KIF20B: variants seen among roughly 807,000 people sequenced by gnomAD.
The protein encoded by KIF20B is kinesin family member 20B.
A neutral mutation model predicts 232.5 loss-of-function variants in KIF20B; 188 were observed. The observed-to-expected ratio is 0.81, with a 90% CI of 0.72 to 0.91. The LOEUF (loss-of-function observed/expected upper bound fraction) is 0.91. Ranked by LOEUF, KIF20B falls within the 40% of genes least tolerant of loss-of-function variation. The pLI is 0.00. For synonymous variants in KIF20B, 712 were observed against 683.0 expected, an observed-to-expected ratio of 1.04 and a Z score of -0.66; for missense variants, 2,154 against 2,055.9, an observed-to-expected ratio of 1.05 and a Z score of -0.92.
At chr10:89,744,122 C>T (rs1841862440) in intron 22 of KIF20B, among the ~76,000 whole-genome samples, 195 bp downstream of exon 22, 1 of 151,680 alleles carries the variant, frequency 6.6e-6, no homozygotes, top group Non-Finnish European at 1.5e-5. Flanking sequence ...TGACTCTCTT[C>T]TAATGAATAG....
chr10:89,717,555 A>C (rs891683724), intron 10 of KIF20B, 21 bp from the exon 11 acceptor site: 2 of 1,591,202 alleles, frequency 1.3e-6, no homozygotes, highest in East Asian at 4.5e-5. Flanking sequence ...CTTTTAAAGT[A>C]CTTTTTTTTT....
At chr10:89,708,559 G>A (rs544445520) in intron 2 of KIF20B, among the ~76,000 whole-genome samples, 3 of 135,538 alleles carry the variant, frequency 2.2e-5, no homozygotes, top group African/African-American at 3.1e-5. Context: ...AACTACTAGG[G>A]CCTGAATTTT....
At chr10:89,719,759 G>T in intron 13 of KIF20B, 53 bp downstream of exon 13, 2 of 1,390,170 alleles carry the variant, frequency 1.4e-6, no homozygotes, top group Non-Finnish European at 2.0e-6. Context: ...CTGAAGTTAA[G>T]GTTAAATCTT....
intron 2 of KIF20B, among the ~76,000 whole-genome samples, chr10:89,708,044 C>T (rs1163018344): frequency 6.6e-6 from 1 of 151,974 alleles, no homozygotes; most frequent in East Asian, 1.9e-4. Context: ...TATATATTGG[C>T]TAGTATTTTG....
chr10:89,709,351 GTGCATATTC>G lies in KIF20B; in HGVS notation c.244_252del (p.His82_Leu84del). 6.2e-7 allele frequency: 1 copy of G among 1,612,308 alleles called. No homozygotes were observed. Among genetic ancestry groups the G allele is most frequent in the South Asian group, 1.1e-5 (1 of 90,772 alleles). On this transcript the variant is annotated inframe_deletion, in exon 4 of 33. Transcript: ENST00000371728. ...TTGGGGGTATGTTTTCTAGGGCTGT[GTGCATATTC>G]TGGATTCACAGACTGTTGTGCTGAA...
chr10:89,727,952 T>C (rs1843225567), intron 17 of KIF20B, 56 bp downstream of exon 17: 22 of 1,419,358 alleles, frequency 1.6e-5, no homozygotes, highest in Non-Finnish European at 2.9e-6. Context: ...CAAAGGGGTA[T>C]GAATGATGAC....
chr10:89,754,679 TA>T lies in KIF20B; in HGVS notation c.4503+8del. 2 of 1,527,052 alleles carry T rather than the reference TA, an allele frequency of 1.3e-6. No individual in the cohort carries two copies. The highest frequency in any genetic ancestry group is 1.8e-6 in the Non-Finnish European group (2 of 1,137,544). 94.6% of individuals were successfully genotyped at this position (1,527,052 alleles called of 1,614,324 possible). ...TTAAGCAACAGAATGAAATGGTTAG[TA>T]ACAATTGTATCTTTGATGTATTTCA... On this transcript the variant is annotated splice_region_variant and intron_variant, in intron 26 of 32. Transcript: ENST00000371728.
intron 9 of KIF20B, 37 bp downstream of exon 9, chr10:89,716,584 C>A: frequency 1.0e-6 from 1 of 957,622 alleles, no homozygotes. Context: ...ACTCGAATCA[C>A]CGATAGTATT....
chr10:89,717,412 T>C lies in KIF20B; in HGVS notation c.1053-12T>C. 1 of 1,500,590 alleles carries C rather than the reference T, an allele frequency of 6.7e-7. No individual in the cohort carries two copies. The allele number at this position is 1,500,590 out of a possible 1,614,324, so 93.0% of individuals were successfully genotyped here. Reference sequence around the variant, plus strand: ...AAAAATGATAAGATAACATTTGATCTTTGTATTTCAGTCACAGCATATTCA... The same window carrying C: ...AAAAATGATAAGATAACATTTGATCCTTGTATTTCAGTCACAGCATATTCA... On this transcript the variant is annotated splice_polypyrimidine_tract_variant and intron_variant, in intron 9 of 32. Coordinates refer to ENST00000371728, the MANE Select transcript of KIF20B (RefSeq NM_001284259.2).
intron 19 of KIF20B, among the ~76,000 whole-genome samples, chr10:89,733,493 C>A (rs1466630761): frequency 6.6e-6 from 1 of 151,890 alleles, no homozygotes; most frequent in African/African-American, 2.4e-5. Flanking sequence ...ATTTGTGATA[C>A]CAGGAGACAG....
chr10:89,765,567 C>T (rs1291019210), intron 29 of KIF20B, among the ~76,000 whole-genome samples: 5 of 152,026 alleles, frequency 3.3e-5, no homozygotes, highest in South Asian at 2.1e-4. Flanking sequence ...AAAAAGAGCC[C>T]GCATCGCCAA....
rs1378596933 is a variant in KIF20B at position 89,727,965 on chromosome 10, G to C, written c.2271+69G>C. 3.0e-6 allele frequency: 4 copies of C among 1,337,114 alleles called. No homozygotes were observed. The African/African-American group carries it at 5.9e-5, about 20-fold the overall frequency. The allele number at this position is 1,337,114 out of a possible 1,614,324, so 82.8% of individuals were successfully genotyped here. On this transcript the variant is annotated intron_variant, in intron 17 of 32. Transcript: ENST00000371728. ...AACAAAGGGGTATGAATGATGACTA[G>C]ATTTGTTTATTTTAAAAAATAATTA...
chr10:89,756,407 A>G (rs1019244736), intron 26 of KIF20B, among the ~76,000 whole-genome samples: 2 of 152,206 alleles, frequency 1.3e-5, no homozygotes, highest in Non-Finnish European at 2.9e-5. Context: ...AATGCCAGCA[A>G]GTAATCCCAC....
chr10:89,738,676 A>G (rs1841725063), intron 20 of KIF20B, 59 bp downstream of exon 20: 2 of 1,478,276 alleles, frequency 1.4e-6, no homozygotes, highest in South Asian at 2.9e-5. Flanking sequence ...TTTGCTATGC[A>G]GCTTTAAAAA....
rs1221951095 is a variant in KIF20B at position 89,729,242 on chromosome 10, T to A, written c.2386T>A (p.Cys796Ser). The A allele has an allele frequency of 5.4e-6, 8 of 1,486,774 alleles. No individual in the cohort carries two copies. Among genetic ancestry groups the A allele is most frequent in the African/African-American group, 1.4e-5 (1 of 69,752 alleles). 92.1% of individuals were successfully genotyped at this position (1,486,774 alleles called of 1,614,324 possible). The change falls in exon 18 of 33, where the codon TGC (cysteine) becomes AGC (serine). Residue 796 changes from cysteine (C) to serine (S), a missense_variant. Physicochemically the swap from Cys to Ser is moderately radical, Grantham distance 112. Coordinates refer to ENST00000371728, the MANE Select transcript of KIF20B (RefSeq NM_001284259.2). ...LKSHMENTFK[C>S]NDKADTSSLI... ...GTCTCATATGGAAAACACATTTAAA[T>A]GCAATGTAAGAATTTAACCTTGTGT...
rs759168484 is a variant in KIF20B at position 89,737,985 on chromosome 10, T to C, written c.3144T>C (p.Asn1048=). ...QVKEYRIQEP[N]RENSFHSSIE... ...AAGAATATCGAATTCAAGAACCCAA[T>C]AGGGAAAATTCTTTCCACTCTAGTA... The change falls in exon 20 of 33, where the codon AAT becomes AAC. Residue 1048 remains asparagine (N), a synonymous_variant. Transcript: ENST00000371728. 3.0e-5 allele frequency: 49 copies of C among 1,612,964 alleles called. No individual in the cohort carries two copies. Among genetic ancestry groups the C allele is most frequent in the Non-Finnish European group, 2.4e-5 (28 of 1,179,340 alleles).
chr10:89,764,638 G>C (rs1193508787), intron 29 of KIF20B, among the ~76,000 whole-genome samples: 1 of 152,046 alleles, frequency 6.6e-6, no homozygotes, highest in Non-Finnish European at 1.5e-5. Flanking sequence ...GCATTTCTCT[G>C]ATGGCCAGTG....
Position 89,762,746 on chromosome 10 carries a change from A to G in KIF20B, c.4900A>G (p.Lys1634Glu), listed in dbSNP as rs373911396. ...EIQFTPLQPN[K>E]MAVKHPGCTT... is the part of the protein sequence containing the mutation. ...TCAATTTACACCTTTACAGCCAAAC[A>G]AAATGGCAGTGAAACACCCTGGTTG... is the stretch of plus-strand genomic sequence containing the variant. Residue 1634 changes from lysine (K) to glutamate (E), a missense_variant, in exon 29 of 33, where the codon AAA becomes GAA. Transcript: ENST00000371728. 6.2e-7 allele frequency: 1 copy of G among 1,613,524 alleles called. No individual in the cohort carries two copies. The highest frequency in any genetic ancestry group is 1.3e-5 in the African/African-American group (1 of 75,020).
chr10:89,756,078 T>C (rs1317824382), intron 26 of KIF20B, among the ~76,000 whole-genome samples: 1 of 152,194 alleles, frequency 6.6e-6, no homozygotes, highest in Non-Finnish European at 1.5e-5. Flanking sequence ...ACATGTATTC[T>C]ACTCCAGAAA....
Sources: allele counts gnomAD v4.1 joint callset (sites outside exome capture counted in the v4.1 genomes callset), GRCh38; gene constraint gnomAD v4.1.1; transcripts MANE v1.5; gene names NCBI Gene and HGNC (gene_info 2026-07-23, HGNC 2026-07-21).